The following PTPRD variants were observed in gnomAD, a reference collection of about 807,000 sequenced individuals.
PTPRD encodes receptor-type tyrosine-protein phosphatase delta.
PTPRD carries 34 observed loss-of-function variants against 214.5 expected under a neutral mutation model. That is an observed-to-expected ratio of 0.16 (90% CI 0.12 to 0.21). The LOEUF (loss-of-function observed/expected upper bound fraction) is 0.21, where lower values mean the gene tolerates loss of function less well. Ranked by LOEUF, PTPRD falls within the 10% of genes least tolerant of loss-of-function variation. PTPRD has a pLI of 1.00. For missense variants in PTPRD, 2,545 were observed against 2,398.7 expected, an observed-to-expected ratio of 1.06 and a Z score of -1.27; for synonymous variants, 1,128 against 845.7, an observed-to-expected ratio of 1.33 and a Z score of -5.79.
chr9:10,305,229 T>C (rs937834467), intron 3 of PTPRD, among the ~76,000 whole-genome samples: 1 of 152,030 alleles, frequency 6.6e-6, no homozygotes, highest in African/African-American at 2.4e-5. Context: ...ACTGGATCCC[T>C]TGCTTACACC....
At chr9:8,693,244 C>G (rs2097845771) in intron 12 of PTPRD, among the ~76,000 whole-genome samples, 1 of 152,170 alleles carries the variant, frequency 6.6e-6, no homozygotes, top group African/African-American at 2.4e-5. Context: ...TGTCTACTTC[C>G]TGAAACCTTA....
At chr9:9,212,793 C>T (rs1051820006) in intron 9 of PTPRD, among the ~76,000 whole-genome samples, 1 of 152,088 alleles carries the variant, frequency 6.6e-6, no homozygotes, top group African/African-American at 2.4e-5. Flanking sequence ...TCTTGTGTGA[C>T]ACATTTCAAC....
At chr9:10,297,399 A>G (rs750446022) in intron 3 of PTPRD, among the ~76,000 whole-genome samples, 6 of 151,994 alleles carry the variant, frequency 3.9e-5, no homozygotes, top group Admixed American at 6.6e-5. Flanking sequence ...GACTTAGACT[A>G]TCTTCTTTCA....
chr9:8,763,105 T>A (rs558787968), intron 11 of PTPRD, among the ~76,000 whole-genome samples: 1 of 152,312 alleles, frequency 6.6e-6, no homozygotes, highest in East Asian at 1.9e-4. Flanking sequence ...GCTTTTTGGA[T>A]GCTCTGCCAA....
chr9:10,142,341 C>T (rs200543492), intron 3 of PTPRD, among the ~76,000 whole-genome samples: 7 of 149,830 alleles, frequency 4.7e-5, no homozygotes, highest in East Asian at 2.0e-4. Context: ...ACAGGCAACC[C>T]ACAAAATGGG....
chr9:10,458,947 C>T (rs1176641746), intron 2 of PTPRD, among the ~76,000 whole-genome samples: 1 of 151,946 alleles, frequency 6.6e-6, no homozygotes, highest in African/African-American at 2.4e-5. Flanking sequence ...ATGTGCAGAA[C>T]ATGGAGGTTT....
In PTPRD at chr9:9,106,635, A is replaced by AAAG. The variant is rs1554793219; in HGVS notation, c.-143+76668_-143+76669insCTT. Among the ~76,000 whole-genome samples, 455 of 145,410 alleles carry AAAG rather than the reference A, an allele frequency of 3.1e-3. 10 individuals are homozygous for AAAG. The East Asian group carries it at 0.037, about 12-fold the overall frequency. On this transcript the variant is annotated intron_variant, in intron 10 of 45. Transcript: ENST00000381196. ...GGCAAAAAAAAAAAAAAAAAAAAAAAGGTTTCATCTGCAGGCTCCTACCTA... is the reference window on the plus strand; with the variant it reads ...GGCAAAAAAAAAAAAAAAAAAAAAAAAAGGGTTTCATCTGCAGGCTCCTACCTA...
chr9:10,362,904 T>C (rs755528826), intron 2 of PTPRD, among the ~76,000 whole-genome samples: 44 of 151,826 alleles, frequency 2.9e-4, no homozygotes, highest in South Asian at 2.1e-4. Context: ...AATAAATAAA[T>C]AACTTTGCCT....
At chr9:9,563,229 T>A (rs1347119191) in intron 8 of PTPRD, among the ~76,000 whole-genome samples, 1 of 152,104 alleles carries the variant, frequency 6.6e-6, no homozygotes, top group Admixed American at 6.6e-5. Context: ...TCTATCCCGA[T>A]AAGTTTGAAA....
chr9:9,449,912 G>A (rs953132804), intron 8 of PTPRD, among the ~76,000 whole-genome samples: 6 of 151,792 alleles, frequency 4.0e-5, no homozygotes, highest in Non-Finnish European at 8.8e-5. Flanking sequence ...AGTCCCCAAA[G>A]TCCGTCATAT....
chr9:9,848,978 G>A (rs2060046540), intron 5 of PTPRD, among the ~76,000 whole-genome samples: 1 of 151,700 alleles, frequency 6.6e-6, no homozygotes, highest in Non-Finnish European at 1.5e-5. Context: ...TTCCTAAACA[G>A]ACACAGAGAA....
At chr9:10,193,587 T>C (rs944334505) in intron 3 of PTPRD, among the ~76,000 whole-genome samples, 2 of 152,172 alleles carry the variant, frequency 1.3e-5, no homozygotes, top group African/African-American at 4.8e-5. Context: ...TTGTTCCCAG[T>C]TTTAAAATGT....
chr9:9,295,701 T>C (rs757258614), intron 9 of PTPRD, among the ~76,000 whole-genome samples: 1 of 151,804 alleles, frequency 6.6e-6, no homozygotes, highest in Admixed American at 6.6e-5. Flanking sequence ...ACATAAAATG[T>C]AGAAAAACAC....
At chr9:10,251,356 A>G (rs1371298929) in intron 3 of PTPRD, among the ~76,000 whole-genome samples, 3 of 151,824 alleles carry the variant, frequency 2.0e-5, no homozygotes, top group Non-Finnish European at 4.4e-5. Flanking sequence ...TCATATGGCT[A>G]AATAGTAGGT....
At chr9:8,574,256 G>A (rs1466391221) in intron 14 of PTPRD, among the ~76,000 whole-genome samples, 2 of 151,848 alleles carry the variant, frequency 1.3e-5, no homozygotes, top group Admixed American at 6.6e-5. Flanking sequence ...ATTAACAACT[G>A]ATAATACGCC....
chr9:9,835,103 C>G (rs950342103), intron 5 of PTPRD, among the ~76,000 whole-genome samples: 2 of 151,996 alleles, frequency 1.3e-5, no homozygotes, highest in Non-Finnish European at 2.9e-5. Flanking sequence ...CATCATATTG[C>G]TAGTACCAAA....
chr9:10,481,025 C>G (rs2099094075), intron 2 of PTPRD, among the ~76,000 whole-genome samples: 1 of 132,874 alleles, frequency 7.5e-6, no homozygotes, highest in Non-Finnish European at 1.7e-5. Flanking sequence ...TTCCCTGCAT[C>G]TCATTTGGTA....
Position 8,451,416 on chromosome 9 carries a change from A to C in PTPRD, c.3876-1579T>G, listed in dbSNP as rs1344676465. On this transcript the variant is annotated intron_variant, in intron 33 of 45. Coordinates refer to ENST00000381196, the MANE Select transcript of PTPRD (RefSeq NM_002839.4). ...GGTACTGGCAGCTCCAGTTCTATGG[A>C]GTAGAAAGGAAGAAGAAAAGAAAAA... Among the ~76,000 whole-genome samples the C allele has an allele frequency of 2.0e-5, 3 of 152,108 alleles. No homozygotes were observed. The East Asian group carries it at 5.8e-4, about 29-fold the overall frequency.
intron 3 of PTPRD, among the ~76,000 whole-genome samples, chr9:10,286,003 T>C (rs1221054052): frequency 3.3e-5 from 5 of 152,168 alleles, no homozygotes; most frequent in Non-Finnish European, 5.9e-5. Context: ...TATTTGTTTC[T>C]ATACACTGAG....
Sources: allele counts gnomAD v4.1 joint callset (sites outside exome capture counted in the v4.1 genomes callset), GRCh38; gene constraint gnomAD v4.1.1; transcripts MANE v1.5; gene names NCBI Gene and HGNC (gene_info 2026-07-23, HGNC 2026-07-21).